Variants in UBR3 observed in about 807,000 individuals in gnomAD.
UBR3 encodes E3 ubiquitin-protein ligase UBR3.
In UBR3, 85 loss-of-function variants were observed where a neutral mutation model predicts 243.2. That is an observed-to-expected ratio of 0.35 (90% CI 0.29 to 0.42). The LOEUF is 0.42. UBR3 is among the 10% of genes least tolerant of loss of function. The pLI, the probability that UBR3 is intolerant of heterozygous loss-of-function variation, is 1.00. For synonymous variants in UBR3, 748 were observed against 799.8 expected (o/e 0.94, Z 1.09); for missense variants, 1,686 against 2,300.8 (o/e 0.73, Z 5.47).
At chr2:169,930,986 C>G (rs2105349391) in intron 18 of UBR3, among the ~76,000 whole-genome samples, 1 of 152,252 alleles carries the variant, frequency 6.6e-6, no homozygotes, top group Non-Finnish European at 1.5e-5. Flanking sequence ...AGTTTTCTTC[C>G]ATTGCTAAGG....
chr2:170,062,228 T>C (rs1207816595), intron 35 of UBR3, among the ~76,000 whole-genome samples: 3 of 152,156 alleles, frequency 2.0e-5, no homozygotes, highest in Non-Finnish European at 4.4e-5. Flanking sequence ...GGCAAGAAAG[T>C]GACAGGGTAG....
chr2:170,028,609 C>A (rs1201196468), intron 30 of UBR3, among the ~76,000 whole-genome samples: 1 of 149,278 alleles, frequency 6.7e-6, no homozygotes, highest in African/African-American at 2.5e-5. Context: ...AATTATTATT[C>A]TGTGTGGCAG....
At chr2:169,918,692 C>T (rs1212790519) in intron 11 of UBR3, among the ~76,000 whole-genome samples, 1 of 151,950 alleles carries the variant, frequency 6.6e-6, no homozygotes, top group East Asian at 1.9e-4. Context: ...AATACATTTT[C>T]CTATAAGATA....
intron 8 of UBR3, among the ~76,000 whole-genome samples, chr2:169,898,525 G>A (rs2084678147): frequency 8.3e-6 from 1 of 120,186 alleles, no homozygotes; most frequent in Middle Eastern, 4.6e-3. Context: ...AATGATCTGT[G>A]ATCTTACAGC....
chr2:169,829,703 C>T (rs997455901), intron 1 of UBR3, among the ~76,000 whole-genome samples: 2 of 152,222 alleles, frequency 1.3e-5, no homozygotes, highest in Middle Eastern at 3.4e-3. Context: ...GGATTACAGG[C>T]GTGAGCCACC....
intron 27 of UBR3, among the ~76,000 whole-genome samples, chr2:170,002,446 A>G (rs2089746520): frequency 6.6e-6 from 1 of 152,186 alleles, no homozygotes; most frequent in African/African-American, 2.4e-5. Context: ...ATTTCCTCTT[A>G]ACAGATTCTG....
chr2:170,062,283 G>A (rs1025830393), intron 35 of UBR3, among the ~76,000 whole-genome samples: 1 of 152,172 alleles, frequency 6.6e-6, no homozygotes. Context: ...ATAGGAATGT[G>A]ATCCTGACTT....
At chr2:169,890,198 G>A (rs1035918299) in intron 5 of UBR3, among the ~76,000 whole-genome samples, 4 of 152,010 alleles carry the variant, frequency 2.6e-5, no homozygotes, top group Admixed American at 1.3e-4. Context: ...TTAGAAATGA[G>A]CACCTACACT....
At chr2:170,010,060 G>A (rs2090037956) in intron 29 of UBR3, among the ~76,000 whole-genome samples, 1 of 152,124 alleles carries the variant, frequency 6.6e-6, no homozygotes, top group Non-Finnish European at 1.5e-5. Flanking sequence ...CTGGACATGG[G>A]TTGATGTAAA....
intron 1 of UBR3, among the ~76,000 whole-genome samples, chr2:169,842,556 A>G (rs575814507): frequency 1.8e-4 from 27 of 152,076 alleles, no homozygotes; most frequent in African/African-American, 6.5e-4. Context: ...GAGCTGTGAC[A>G]CTCACCGTGA....
At chr2:170,077,999 G>A in intron 36 of UBR3, 1 of 662,862 alleles carries the variant, frequency 1.5e-6, no homozygotes, top group South Asian at 1.4e-5. Context: ...ATACTGGGAA[G>A]TACGTTAGCT....
At position 170,080,180 on chromosome 2, in the gene UBR3, A is replaced by G; in HGVS notation, c.5409+157A>G. 4 of 748,842 alleles carry G rather than the reference A, an allele frequency of 5.3e-6. No individual in the cohort carries two copies. The South Asian group carries it at 8.3e-5, about 15-fold the overall frequency. 46.4% of individuals were successfully genotyped at this position (748,842 alleles called of 1,614,324 possible). A position where few individuals can be genotyped will look rare whatever the true frequency, so the allele number is the denominator to read the frequency against. ...TTTAATCCAGTAGAAGAGTAAAAAA[A>G]GAAAGTCTTTGAGGCTTTAAGTGAG... On this transcript the variant is annotated intron_variant, in intron 37 of 38. Coordinates refer to ENST00000272793, the MANE Select transcript of UBR3 (RefSeq NM_172070.4).
intron 30 of UBR3, among the ~76,000 whole-genome samples, chr2:170,017,538 C>CACAG (rs1553535835): frequency 0.011 from 291 of 26,544 alleles, no homozygotes; most frequent in African/African-American, 0.022. Flanking sequence ...CACACACACA[C>CACAG]ACACACAGAC....
At chr2:169,984,729 T>C (rs1006570144) in intron 24 of UBR3, among the ~76,000 whole-genome samples, 2 of 152,200 alleles carry the variant, frequency 1.3e-5, no homozygotes, top group Non-Finnish European at 2.9e-5. Context: ...TAAAAAGCTG[T>C]GACTTTTCCT....
chr2:169,830,924 G>A (rs187939930), intron 1 of UBR3, among the ~76,000 whole-genome samples: 3 of 151,150 alleles, frequency 2.0e-5, no homozygotes, highest in Non-Finnish European at 2.9e-5. Context: ...AAGTCTGATC[G>A]CTTGTGATGC....
chr2:169,939,559 G>A (rs1039529851), intron 19 of UBR3, among the ~76,000 whole-genome samples: 1 of 151,296 alleles, frequency 6.6e-6, no homozygotes. Context: ...GAGCCATCGT[G>A]CCAGGCCTTT....
intron 30 of UBR3, among the ~76,000 whole-genome samples, chr2:170,025,259 A>G (rs924347314): frequency 3.3e-5 from 5 of 152,186 alleles, no homozygotes; most frequent in African/African-American, 1.2e-4. Flanking sequence ...AATAATTACA[A>G]GACTGTGTAA....
chr2:169,996,693 G>GTTTTTTTTTT lies in UBR3; in HGVS notation c.3918+2247_3918+2256dup, dbSNP rs397871702. Among the ~76,000 whole-genome samples, 15 of 64,474 alleles carry GTTTTTTTTTT rather than the reference G, an allele frequency of 2.3e-4. 1 individual carries two copies. The highest frequency in any genetic ancestry group is 3.5e-4 in the Non-Finnish European group (10 of 28,900). The allele number at this position is 64,474 out of a possible 152,430, so 42.3% of individuals were successfully genotyped here. A position where few individuals can be genotyped will look rare whatever the true frequency, so the allele number is the denominator to read the frequency against. On this transcript the variant is annotated intron_variant, in intron 26 of 38. Transcript: ENST00000272793. ...TTGTTCTTTATTGCTTTGGACTTTT[G>GTTTTTTTTTT]TTTTTTTTTTTTTTTTTTTAGATAG... is the stretch of plus-strand genomic sequence containing the variant.
chr2:170,045,929 C>T lies in UBR3; in HGVS notation c.4660+4944C>T, dbSNP rs146681427. ...TATGCCTAAATATCAGTAAATATCC[C>T]ATCAGTGTTCAAATTCCATAGTTGC... On this transcript the variant is annotated intron_variant, in intron 32 of 38. Transcript: ENST00000272793. Among the ~76,000 whole-genome samples the T allele has an allele frequency of 8.6e-5, 13 of 151,566 alleles. No individual in the cohort carries two copies. In the East Asian group the frequency reaches 2.5e-3, roughly 29 times the overall value.
Sources: gnomAD v4.1 joint callset for allele counts (sites outside exome capture counted in the v4.1 genomes callset) on GRCh38, gnomAD v4.1.1 for gene constraint, MANE v1.5 for transcripts, NCBI Gene and HGNC (gene_info 2026-07-23, HGNC 2026-07-21) for gene names.